The following ABRAXAS1 variants were observed in gnomAD, a reference collection of about 807,000 sequenced individuals.
ABRAXAS1 encodes the protein BRCA1-A complex subunit Abraxas 1.
Under a neutral mutation model 38.4 loss-of-function variants are expected in ABRAXAS1, and 26 were observed. The ratio of observed to expected loss-of-function variants is 0.68; its 90% confidence interval spans 0.50 to 0.94. The LOEUF (loss-of-function observed/expected upper bound fraction) is 0.94. Among genes scored for constraint, ABRAXAS1 ranks in the 40% least tolerant of loss-of-function variants. ABRAXAS1 has a pLI of 0.00. For synonymous variants in ABRAXAS1, 144 were observed against 165.5 expected (o/e 0.87, Z 1.00); for missense variants, 438 against 481.9 (o/e 0.91, Z 0.85).
At chr4:83,467,596 G>A in intron 6 of ABRAXAS1, 58 bp from the exon 7 acceptor site, 1 of 853,186 alleles carries the variant, frequency 1.2e-6, no homozygotes, top group East Asian at 2.5e-5. Flanking sequence ...ATGATAAGGT[G>A]AAAAACTTAT....
In ABRAXAS1 at chr4:83,460,843, T is replaced by G. The variant is rs1578120341; in HGVS notation, c.*1626A>C. ...ATCGATTGAGCCTGGGTGGCGGAGG[T>G]TGCAGTGAGGCGAGAGAGCACCACT... On this transcript the variant is annotated 3_prime_UTR_variant, in exon 9 of 9. Coordinates refer to ENST00000321945, the MANE Select transcript of ABRAXAS1 (RefSeq NM_139076.3). 1.4e-6 allele frequency: 1 copy of G among 721,052 alleles called. No individual in the cohort carries two copies. The highest frequency in any genetic ancestry group is 2.4e-6 in the Non-Finnish European group (1 of 422,838). 44.7% of individuals were successfully genotyped at this position (721,052 alleles called of 1,614,324 possible).
At chr4:83,481,088 C>T (rs1722986975) in intron 2 of ABRAXAS1, among the ~76,000 whole-genome samples, 1 of 151,520 alleles carries the variant, frequency 6.6e-6, no homozygotes, top group Admixed American at 6.6e-5. Context: ...GCCGGGATTG[C>T]GCCACTGCAC....
rs1156973108 is a variant in ABRAXAS1 at position 83,462,017 on chromosome 4, T to C, written c.*452A>G. 2 of 228,412 alleles carry C rather than the reference T, an allele frequency of 8.8e-6. No individual in the cohort carries two copies. Among genetic ancestry groups the C allele is most frequent in the South Asian group, 1.8e-4 (1 of 5,492 alleles). 14.1% of individuals were successfully genotyped at this position (228,412 alleles called of 1,614,324 possible). ...TTAATGACTCAGATAAATTTTCATA[T>C]AAATTTCTTTCCATATTTTGAAAAT... On this transcript the variant is annotated 3_prime_UTR_variant, in exon 9 of 9. Coordinates refer to ENST00000321945, the MANE Select transcript of ABRAXAS1 (RefSeq NM_139076.3).
In ABRAXAS1 at chr4:83,459,985, A is replaced by T; in HGVS notation, c.*2484T>A. On this transcript the variant is annotated 3_prime_UTR_variant, in exon 9 of 9. Coordinates refer to ENST00000321945, the MANE Select transcript of ABRAXAS1 (RefSeq NM_139076.3). Reference sequence around the variant, plus strand: ...AAGAGGATTATTATTTTGCTGTCTTATGCAGAGTTAACTATATAGAAAAAC... The same window carrying T: ...AAGAGGATTATTATTTTGCTGTCTTTTGCAGAGTTAACTATATAGAAAAAC... 1 of 479,536 alleles carries T rather than the reference A, an allele frequency of 2.1e-6. No individual in the cohort carries two copies. The highest frequency in any genetic ancestry group is 3.5e-5 in the South Asian group (1 of 28,326). The allele number at this position is 479,536 out of a possible 1,614,324, so 29.7% of individuals were successfully genotyped here.
intron 3 of ABRAXAS1, among the ~76,000 whole-genome samples, chr4:83,474,860 CCTTATT>C (rs1722711523): frequency 6.6e-6 from 1 of 152,080 alleles, no homozygotes; most frequent in Non-Finnish European, 1.5e-5. Flanking sequence ...CTCAAGAAAT[CCTTATT>C]CTTCTCATTT....
In ABRAXAS1 at chr4:83,459,657, T is replaced by C; in HGVS notation, c.*2812A>G. ...AAATTTAGTAAAGCTTTATATAACC[T>C]GAAGGTTGTTTTTTGAAATTTACAC... On this transcript the variant is annotated 3_prime_UTR_variant, in exon 9 of 9. Transcript: ENST00000321945. The C allele has an allele frequency of 8.2e-7, 1 of 1,225,476 alleles. No individual in the cohort carries two copies. The highest frequency in any genetic ancestry group is 1.3e-5 in the South Asian group (1 of 76,660). The allele number at this position is 1,225,476 out of a possible 1,614,324, so 75.9% of individuals were successfully genotyped here.
Position 83,462,631 on chromosome 4 carries a change from T to C in ABRAXAS1, c.1068A>G (p.Gln356=), listed in dbSNP as rs1215571520. The C allele has an allele frequency of 6.2e-7, 1 of 1,614,150 alleles. No homozygotes were observed. Among genetic ancestry groups the C allele is most frequent in the South Asian group, 1.1e-5 (1 of 91,082 alleles). Residue 356 remains glutamine (Q), a synonymous_variant, in exon 9 of 9, where the codon CAA becomes CAG. Transcript: ENST00000321945. ...HKALDLDDRW[Q]FKRSRLLDTQ... Reference sequence around the variant, plus strand: ...TATCTAACAACCGAGATCTCTTGAATTGCCATCTGTCATCTAAGTCTAAGG... The same window carrying C: ...TATCTAACAACCGAGATCTCTTGAACTGCCATCTGTCATCTAAGTCTAAGG...
rs11099601 is a variant in ABRAXAS1 at position 83,461,610 on chromosome 4, C to T, written c.*859G>A. The T allele has an allele frequency of 0.57, 163,826 of 288,500 alleles. 48,710 individuals are homozygous for T. Among genetic ancestry groups the T allele is most frequent in the African/African-American group, 0.78 (36,909 of 47,496 alleles). The allele number at this position is 288,500 out of a possible 1,614,324, so 17.9% of individuals were successfully genotyped here. A position where few individuals can be genotyped will look rare whatever the true frequency, so the allele number is the denominator to read the frequency against. On this transcript the variant is annotated 3_prime_UTR_variant, in exon 9 of 9. Transcript: ENST00000321945. The stretch of plus-strand genomic sequence containing the variant: ...GACAAAATATTCCTAGACGAGTCTA[C>T]CCTCAAACCAGTAGTGTCTTTTACA...
intron 5 of ABRAXAS1, 112 bp from the exon 6 acceptor site, chr4:83,469,263 A>C: frequency 1.1e-6 from 1 of 900,794 alleles, no homozygotes. Flanking sequence ...ACACCCCCCA[A>C]AACCCATTCT....
Position 83,463,715 on chromosome 4 carries a change from A to C in ABRAXAS1, c.682-107T>G, listed in dbSNP as rs79585753. The C allele has an allele frequency of 0.011, 5,511 of 502,836 alleles. 244 individuals are homozygous for C. Among genetic ancestry groups the C allele is most frequent in the African/African-American group, 0.097 (4,902 of 50,446 alleles). 31.1% of individuals were successfully genotyped at this position (502,836 alleles called of 1,614,324 possible). On this transcript the variant is annotated intron_variant, in intron 7 of 8. Transcript: ENST00000321945. Reference sequence around the variant, plus strand: ...ATCATTGGTGGTATATAATACCCAAAACTATTTGCCTTTTATATAAATTTT... The same window carrying C: ...ATCATTGGTGGTATATAATACCCAACACTATTTGCCTTTTATATAAATTTT...
chr4:83,465,652 G>T (rs956105924), intron 7 of ABRAXAS1, among the ~76,000 whole-genome samples: 2 of 152,160 alleles, frequency 1.3e-5, no homozygotes, highest in Non-Finnish European at 2.9e-5. Flanking sequence ...GCTGGGTGTA[G>T]TGGTGCACAC....
intron 2 of ABRAXAS1, among the ~76,000 whole-genome samples, chr4:83,481,780 C>T (rs1041820801): frequency 6.6e-6 from 1 of 152,046 alleles, no homozygotes; most frequent in East Asian, 1.9e-4. Context: ...GACAGAGTCT[C>T]GCTTTGTTGC....
rs767978710 is a variant in ABRAXAS1, at chr4:83,462,933, T to C, written c.797-31A>G. On this transcript the variant is annotated intron_variant, in intron 8 of 8. Transcript: ENST00000321945. ...CAAAATAGAATAACAGTTCAACATA[T>C]AACATTTCTTCTACAAAGCTTTTAT... 14 of 1,388,622 alleles carry C rather than the reference T, an allele frequency of 1.0e-5. No individual in the cohort carries two copies. The East Asian group carries it at 2.1e-4, about 21-fold the overall frequency. 86.0% of individuals were successfully genotyped at this position (1,388,622 alleles called of 1,614,324 possible).
At position 83,461,561 on chromosome 4, in the gene ABRAXAS1, T is replaced by C; in HGVS notation, c.*908A>G. On this transcript the variant is annotated 3_prime_UTR_variant, in exon 9 of 9. Transcript: ENST00000321945. ...CCTTTGTAGAAATGTTACATTGGGA[T>C]GGATAGTGGTGCTGTCACAGAAGGA... is the stretch of plus-strand genomic sequence containing the variant. 1 of 315,624 alleles carries C rather than the reference T, an allele frequency of 3.2e-6. No homozygotes were observed. The highest frequency in any genetic ancestry group is 2.1e-5 in the African/African-American group (1 of 48,602). 19.6% of individuals were successfully genotyped at this position (315,624 alleles called of 1,614,324 possible). A position where few individuals can be genotyped will look rare whatever the true frequency, so the allele number is the denominator to read the frequency against.
Position 83,461,644 on chromosome 4 carries a change from T to C in ABRAXAS1, c.*825A>G, listed in dbSNP as rs1379886551. On this transcript the variant is annotated 3_prime_UTR_variant, in exon 9 of 9. Coordinates refer to ENST00000321945, the MANE Select transcript of ABRAXAS1 (RefSeq NM_139076.3). ...CAGTAGTGTCTTTTACATGAAGAGA[T>C]GATTTACACCTAATAGACATTGAAT... is the stretch of plus-strand genomic sequence containing the variant. 2 of 273,426 alleles carry C rather than the reference T, an allele frequency of 7.3e-6. No individual in the cohort carries two copies. The highest frequency in any genetic ancestry group is 1.0e-4 in the East Asian group (2 of 19,240). The allele number at this position is 273,426 out of a possible 1,614,324, so 16.9% of individuals were successfully genotyped here.
Position 83,460,154 on chromosome 4 carries a change from C to T in ABRAXAS1, c.*2315G>A, listed in dbSNP as rs75379074. The T allele has an allele frequency of 0.039, 5,830 of 149,446 alleles. 202 individuals carry two copies. The highest frequency in any genetic ancestry group is 0.097 in the Admixed American group (1,333 of 13,802). The allele number at this position is 149,446 out of a possible 1,614,324, so 9.3% of individuals were successfully genotyped here. The stretch of plus-strand genomic sequence containing the variant: ...TTATCTTGATTAGGTTCATCATATA[C>T]AAATGCCACTTTTTTTTTTTTTTGA... On this transcript the variant is annotated 3_prime_UTR_variant, in exon 9 of 9. Coordinates refer to ENST00000321945, the MANE Select transcript of ABRAXAS1 (RefSeq NM_139076.3).
chr4:83,478,736 T>C (rs537487516), intron 2 of ABRAXAS1: 22 of 175,694 alleles, frequency 1.3e-4, no homozygotes, highest in Non-Finnish European at 1.9e-4. Flanking sequence ...ATGTAACTGG[T>C]TGGGCCCCAG....
At chr4:83,469,323 T>C (rs1722497905) in intron 5 of ABRAXAS1, 172 bp from the exon 6 acceptor site, 2 of 609,736 alleles carry the variant, frequency 3.3e-6, no homozygotes, top group Admixed American at 3.0e-5. Context: ...ACTGTTTTTT[T>C]TTTTTTTTGA....
chr4:83,467,837 A>C (rs1234863577), intron 6 of ABRAXAS1, among the ~76,000 whole-genome samples: 1 of 152,176 alleles, frequency 6.6e-6, no homozygotes, highest in Non-Finnish European at 1.5e-5. Context: ...GGAAGGAAAA[A>C]AAGTCTCTAT....
Sources: gnomAD v4.1 joint callset for allele counts (sites outside exome capture counted in the v4.1 genomes callset) on GRCh38, gnomAD v4.1.1 for gene constraint, MANE v1.5 for transcripts, NCBI Gene and HGNC (gene_info 2026-07-23, HGNC 2026-07-21) for gene names.